The following ANKS1B variants were observed in gnomAD, a reference collection of about 807,000 sequenced individuals.
ANKS1B encodes the protein ankyrin repeat and sterile alpha motif domain containing 1B, also known as ankyrin repeat and sterile alpha motif domain-containing protein 1B.
A neutral mutation model predicts 148.3 loss-of-function variants in ANKS1B; 36 were observed. The ratio of observed to expected loss-of-function variants is 0.24; its 90% CI spans 0.19 to 0.32. The LOEUF (loss-of-function observed/expected upper bound fraction) is 0.32. ANKS1B is among the 10% of genes least tolerant of loss of function. ANKS1B has a pLI of 1.00. For missense variants in ANKS1B, 1,157 were observed against 1,542.6 expected (o/e 0.75, Z 4.19); for synonymous variants, 542 against 560.8 (o/e 0.97, Z 0.47).
At chr12:99,579,230 T>C (rs1431489288) in intron 9 of ANKS1B, among the ~76,000 whole-genome samples, 8 of 152,168 alleles carry the variant, frequency 5.3e-5, no homozygotes, top group African/African-American at 1.9e-4. Flanking sequence ...ATATAAGACT[T>C]AAAATGTTTA....
At chr12:99,084,834 T>C (rs2051073828) in intron 16 of ANKS1B, 91 bp downstream of exon 16, 1 of 961,294 alleles carries the variant, frequency 1.0e-6, no homozygotes, top group Non-Finnish European at 1.6e-6. Flanking sequence ...TATGTAGAAC[T>C]ACTGTACTAA....
At chr12:98,782,419 T>C (rs1001134379) in intron 22 of ANKS1B, among the ~76,000 whole-genome samples, 24 of 152,204 alleles carry the variant, frequency 1.6e-4, no homozygotes, top group African/African-American at 5.3e-4. Context: ...CCTTCCACTT[T>C]GAGCTTTCAA....
At chr12:99,577,098 G>A (rs2097526694) in intron 9 of ANKS1B, among the ~76,000 whole-genome samples, 1 of 151,812 alleles carries the variant, frequency 6.6e-6, no homozygotes, top group Non-Finnish European at 1.5e-5. Context: ...TAAAAAAGCA[G>A]CAGAAAATAA....
intron 12 of ANKS1B, among the ~76,000 whole-genome samples, chr12:99,315,248 A>C (rs1456689553): frequency 2.6e-5 from 4 of 151,914 alleles, no homozygotes; most frequent in Non-Finnish European, 5.9e-5. Flanking sequence ...CAAAAAAAAA[A>C]AAAACAAAAA....
intron 17 of ANKS1B, among the ~76,000 whole-genome samples, chr12:98,948,748 C>G (rs201245330): frequency 1.4e-5 from 2 of 148,060 alleles, no homozygotes; most frequent in Non-Finnish European, 3.0e-5. Flanking sequence ...CTCTCTCTCT[C>G]TGTCTCTCAC....
intron 8 of ANKS1B, among the ~76,000 whole-genome samples, chr12:99,748,080 C>A (rs536765185): frequency 6.6e-6 from 1 of 152,030 alleles, no homozygotes; most frequent in South Asian, 2.1e-4. Flanking sequence ...ATTATGATTG[C>A]GACTAGCTAG....
At chr12:99,766,293 T>A (rs934883970) in intron 8 of ANKS1B, among the ~76,000 whole-genome samples, 3 of 152,028 alleles carry the variant, frequency 2.0e-5, no homozygotes, top group African/African-American at 7.2e-5. Flanking sequence ...TAAGAAGTAA[T>A]GCAAAACATA....
At chr12:99,007,731 A>G (rs1252921302) in intron 17 of ANKS1B, among the ~76,000 whole-genome samples, 1 of 152,132 alleles carries the variant, frequency 6.6e-6, no homozygotes, top group East Asian at 1.9e-4. Flanking sequence ...AGTATACTTC[A>G]TCCCAAAGAC....
chr12:99,178,185 C>G (rs2078636000), intron 14 of ANKS1B, among the ~76,000 whole-genome samples: 1 of 152,200 alleles, frequency 6.6e-6, no homozygotes, highest in Non-Finnish European at 1.5e-5. Flanking sequence ...TCACCAATAT[C>G]CAATTTCTCC....
At chr12:99,900,505 C>CAAAAAAAAAAAAAAAAAAAAAA (rs71303560) in intron 1 of ANKS1B, among the ~76,000 whole-genome samples, 1 of 70,736 alleles carries the variant, frequency 1.4e-5, no homozygotes. Context: ...GACTCCATCT[C>CAAAAAAAAAAAAAAAAAAAAAA]AAAAAAAAAA....
intron 10 of ANKS1B, among the ~76,000 whole-genome samples, chr12:99,487,111 C>T (rs1243747464): frequency 6.6e-6 from 1 of 152,206 alleles, no homozygotes; most frequent in Non-Finnish European, 1.5e-5. Flanking sequence ...CTGAAGGAAA[C>T]TTCATATCAG....
At position 99,461,079 on chromosome 12, in the gene ANKS1B, C is replaced by G. The variant is rs141992574; in HGVS notation, c.1439-17270G>C. Among the ~76,000 whole-genome samples the G allele has an allele frequency of 3.4e-3, 521 of 151,756 alleles. 1 individual carries two copies. Among genetic ancestry groups the G allele is most frequent in the African/African-American group, 0.012 (507 of 41,322 alleles). ...ATATATATATATACACATACACACACCATGGAATACTACTTAGCCATAAAA... is the reference window on the plus strand; with the variant it reads ...ATATATATATATACACATACACACAGCATGGAATACTACTTAGCCATAAAA... On this transcript the variant is annotated intron_variant, in intron 10 of 26. Transcript: ENST00000683438.
At chr12:99,162,669 T>C (rs12578287) in intron 14 of ANKS1B, among the ~76,000 whole-genome samples, 11,206 of 152,246 alleles carry the variant, frequency 0.074, 959 homozygotes, top group African/African-American at 0.21. Flanking sequence ...TATGTTCGGA[T>C]ATATACGTAT....
chr12:99,333,947 G>T (rs1299327463), intron 12 of ANKS1B, among the ~76,000 whole-genome samples: 1 of 149,078 alleles, frequency 6.7e-6, no homozygotes, highest in African/African-American at 2.5e-5. Flanking sequence ...TGCCAGATTG[G>T]TTTTTTGTAT....
intron 9 of ANKS1B, among the ~76,000 whole-genome samples, chr12:99,645,169 A>G (rs2098348670): frequency 6.6e-6 from 1 of 152,230 alleles, no homozygotes; most frequent in South Asian, 2.1e-4. Flanking sequence ...TGTTTAAAAT[A>G]CTTAACCCAT....
chr12:99,428,590 A>G (rs187838809), intron 11 of ANKS1B, among the ~76,000 whole-genome samples: 1 of 152,340 alleles, frequency 6.6e-6, no homozygotes, highest in African/African-American at 2.4e-5. Flanking sequence ...AGATGGATGG[A>G]CACAGAAATA....
intron 9 of ANKS1B, among the ~76,000 whole-genome samples, chr12:99,578,967 A>G (rs1432584124): frequency 6.6e-6 from 1 of 152,206 alleles, no homozygotes; most frequent in East Asian, 1.9e-4. Flanking sequence ...GTCTAGAGTA[A>G]CCAAAACAGC....
chr12:99,205,072 G>T (rs1318390330), intron 14 of ANKS1B, among the ~76,000 whole-genome samples: 1 of 152,028 alleles, frequency 6.6e-6, no homozygotes, highest in African/African-American at 2.4e-5. Context: ...CCCCCAAAAA[G>T]AAAAACAAAC....
At chr12:99,248,106 T>C (rs2074099642) in intron 12 of ANKS1B, among the ~76,000 whole-genome samples, 1 of 152,046 alleles carries the variant, frequency 6.6e-6, no homozygotes, top group Non-Finnish European at 1.5e-5. Flanking sequence ...TTATTAATAA[T>C]AATTATGATT....
Sources: gnomAD v4.1 joint callset for allele counts (sites outside exome capture counted in the v4.1 genomes callset) on GRCh38, gnomAD v4.1.1 for gene constraint, MANE v1.5 for transcripts, NCBI Gene and HGNC (gene_info 2026-07-23, HGNC 2026-07-21) for gene names.